Variants in NALF1 observed in about 807,000 individuals in gnomAD.
NALF1 encodes NALCN channel auxiliary factor 1, also known as family with sequence similarity 155 member A.
Under a neutral mutation model 48.4 loss-of-function variants are expected in NALF1, and 3 were observed. That is an observed-to-expected ratio of 0.06 (90% CI 0.03 to 0.16). The LOEUF (loss-of-function observed/expected upper bound fraction) is 0.16. NALF1 is among the 10% of genes least tolerant of loss of function. NALF1 has a pLI of 1.00. For missense variants in NALF1, 526 were observed against 571.5 expected, an observed-to-expected ratio of 0.92 and a Z score of 0.81; for synonymous variants, 262 against 245.7, an observed-to-expected ratio of 1.07 and a Z score of -0.62.
rs1218122093 is a variant in NALF1, at chr13:107,582,719, T to C, written c.915+282963A>G. The stretch of plus-strand genomic sequence containing the variant: ...TATTTCTTGTACTTTTAAGCAAATG[T>C]GCATACTTAAAATGTGGAGTTCATA... On this transcript the variant is annotated intron_variant, in intron 1 of 2. Coordinates refer to ENST00000375915, the MANE Select transcript of NALF1 (RefSeq NM_001080396.3). Among the ~76,000 whole-genome samples the C allele has an allele frequency of 2.6e-5, 4 of 152,336 alleles. No individual in the cohort carries two copies. In the East Asian group the frequency reaches 7.7e-4, roughly 29 times the overall value.
chr13:107,622,972 C>T (rs1879567209), intron 1 of NALF1, among the ~76,000 whole-genome samples: 1 of 152,074 alleles, frequency 6.6e-6, no homozygotes, highest in Non-Finnish European at 1.5e-5. Context: ...TTAAACAAAC[C>T]TGCTTTAACC....
chr13:107,485,968 A>T (rs1432960158), intron 1 of NALF1, among the ~76,000 whole-genome samples: 1 of 152,196 alleles, frequency 6.6e-6, no homozygotes, highest in African/African-American at 2.4e-5. Context: ...TCTCTAGATG[A>T]GGACAAGTTT....
intron 1 of NALF1, among the ~76,000 whole-genome samples, chr13:107,692,004 T>C (rs977152887): frequency 1.3e-5 from 2 of 152,200 alleles, no homozygotes; most frequent in Non-Finnish European, 2.9e-5. Context: ...GTTCAATAAA[T>C]GTTTCTTAAA....
chr13:107,649,330 A>C (rs1172084574), intron 1 of NALF1, among the ~76,000 whole-genome samples: 1 of 152,232 alleles, frequency 6.6e-6, no homozygotes, highest in Non-Finnish European at 1.5e-5. Flanking sequence ...TTAAAACATC[A>C]AGAAGCATAT....
At chr13:107,490,033 G>A (rs924326441) in intron 1 of NALF1, among the ~76,000 whole-genome samples, 2 of 152,112 alleles carry the variant, frequency 1.3e-5, no homozygotes, top group South Asian at 4.1e-4. Flanking sequence ...AACACAATGA[G>A]ATACCATCTT....
chr13:107,660,478 C>A (rs1352699794), intron 1 of NALF1, among the ~76,000 whole-genome samples: 2 of 71,482 alleles, frequency 2.8e-5, no homozygotes, highest in Non-Finnish European at 6.0e-5. Flanking sequence ...CACACACACA[C>A]ACACACAACA....
intron 1 of NALF1, among the ~76,000 whole-genome samples, chr13:107,828,982 CA>C (rs1335815483): frequency 1.3e-5 from 2 of 152,026 alleles, no homozygotes; most frequent in Admixed American, 6.6e-5. Flanking sequence ...TTTTCTGACC[CA>C]AAGTTCAATA....
intron 1 of NALF1, among the ~76,000 whole-genome samples, chr13:107,856,206 C>T (rs1320548496): frequency 6.6e-6 from 1 of 152,174 alleles, no homozygotes; most frequent in African/African-American, 2.4e-5. Flanking sequence ...TGCACCTGGA[C>T]AAGAGAAAGA....
At chr13:107,394,384 C>G (rs1883676009) in intron 1 of NALF1, among the ~76,000 whole-genome samples, 1 of 152,110 alleles carries the variant, frequency 6.6e-6, no homozygotes, top group Non-Finnish European at 1.5e-5. Context: ...TGTTTAAACT[C>G]TCTTCTAAAT....
At chr13:107,836,977 G>C (rs1363462108) in intron 1 of NALF1, among the ~76,000 whole-genome samples, 1 of 152,064 alleles carries the variant, frequency 6.6e-6, no homozygotes, top group Non-Finnish European at 1.5e-5. Flanking sequence ...AATATATCTG[G>C]GCAAGGACAA....
intron 1 of NALF1, among the ~76,000 whole-genome samples, chr13:107,644,088 C>A (rs1379298181): frequency 1.3e-5 from 2 of 150,890 alleles, no homozygotes; most frequent in Non-Finnish European, 2.9e-5. Context: ...AGAAAAATCA[C>A]AAGTCTATAT....
At chr13:107,725,685 TC>T (rs1876128822) in intron 1 of NALF1, among the ~76,000 whole-genome samples, 2 of 126,008 alleles carry the variant, frequency 1.6e-5, no homozygotes, top group South Asian at 2.3e-4. Flanking sequence ...ACTCTGTCTC[TC>T]AAAAAAAAAA....
chr13:107,572,746 C>T (rs144939383), intron 1 of NALF1, among the ~76,000 whole-genome samples: 4 of 152,094 alleles, frequency 2.6e-5, no homozygotes, highest in African/African-American at 9.7e-5. Context: ...CGAGAACACG[C>T]TAATTTATAA....
intron 1 of NALF1, among the ~76,000 whole-genome samples, chr13:107,729,287 T>C (rs992713511): frequency 5.9e-5 from 9 of 152,190 alleles, no homozygotes; most frequent in Non-Finnish European, 8.8e-5. Flanking sequence ...TGACAATTTA[T>C]GGAAAAAGTG....
rs562677287 is a variant in NALF1, at chr13:107,614,403, C to T, written c.915+251279G>A. Among the ~76,000 whole-genome samples, 20 of 152,310 alleles carry T rather than the reference C, an allele frequency of 1.3e-4. No individual in the cohort carries two copies. The South Asian group carries it at 2.9e-3, about 22-fold the overall frequency. On this transcript the variant is annotated intron_variant, in intron 1 of 2. Coordinates refer to ENST00000375915, the MANE Select transcript of NALF1 (RefSeq NM_001080396.3). The stretch of plus-strand genomic sequence containing the variant: ...GATTCTACTATGAAGACAGAAGACA[C>T]AGTTTGCATCTTAGGTCTTTTACTT...
intron 1 of NALF1, among the ~76,000 whole-genome samples, chr13:107,510,057 C>G (rs1159886116): frequency 3.3e-5 from 5 of 152,166 alleles, no homozygotes; most frequent in African/African-American, 1.2e-4. Context: ...GATCCACCCA[C>G]TTGGGCCTCC....
chr13:107,568,048 G>A (rs1413026377), intron 1 of NALF1, among the ~76,000 whole-genome samples: 1 of 152,148 alleles, frequency 6.6e-6, no homozygotes, highest in African/African-American at 2.4e-5. Context: ...TGTGAACAGG[G>A]CTCACTGCAG....
At chr13:107,644,202 G>T (rs566582942) in intron 1 of NALF1, among the ~76,000 whole-genome samples, 8 of 151,982 alleles carry the variant, frequency 5.3e-5, no homozygotes, top group African/African-American at 1.9e-4. Context: ...TTTTAATACA[G>T]AATAAAATAC....
chr13:107,443,431 G>C (rs1382890929), intron 1 of NALF1, among the ~76,000 whole-genome samples: 1 of 152,076 alleles, frequency 6.6e-6, no homozygotes, highest in Non-Finnish European at 1.5e-5. Context: ...TGGCCAGGCT[G>C]GTCTCGAACC....
Sources: allele counts gnomAD v4.1 joint callset (sites outside exome capture counted in the v4.1 genomes callset), GRCh38; gene constraint gnomAD v4.1.1; transcripts MANE v1.5; gene names NCBI Gene and HGNC (gene_info 2026-07-23, HGNC 2026-07-21).